Variants in PTK2 observed in about 807,000 individuals in gnomAD.
PTK2 encodes the protein focal adhesion kinase 1.
Under a neutral mutation model 150.1 loss-of-function variants are expected in PTK2, and 45 were observed. That is an observed-to-expected ratio of 0.30 (90% CI 0.24 to 0.38). The LOEUF (loss-of-function observed/expected upper bound fraction) is 0.38. PTK2 is among the 10% of genes least tolerant of loss of function. The pLI is 1.00. For missense variants in PTK2, 919 were observed against 1,307.3 expected, an observed-to-expected ratio of 0.70 and a Z score of 4.58; for synonymous variants, 432 against 449.2, an observed-to-expected ratio of 0.96 and a Z score of 0.48.
At chr8:140,879,577 G>A (rs1179929431) in exon 4 of PTK2, 6 of 1,585,842 alleles carry the variant, frequency 3.8e-6, no homozygotes, top group Non-Finnish European at 5.1e-6. Context: ...TGACTGAGGC[G>A]GAATCCATAG....
chr8:140,791,785 T>C (rs148793913), intron 13 of PTK2, among the ~76,000 whole-genome samples: 1 of 152,102 alleles, frequency 6.6e-6, no homozygotes, highest in African/African-American at 2.4e-5. Flanking sequence ...AGACAGAATA[T>C]TGGCAAAGGC....
chr8:140,988,600 G>A (rs981587389), intron 1 of PTK2, among the ~76,000 whole-genome samples: 14 of 151,922 alleles, frequency 9.2e-5, no homozygotes, highest in Admixed American at 9.2e-4. Flanking sequence ...ATGGTGGTGG[G>A]CGCCCGTAGC....
intron 1 of PTK2, among the ~76,000 whole-genome samples, chr8:140,989,222 A>T (rs1390597364): frequency 6.7e-6 from 1 of 149,642 alleles, no homozygotes. Flanking sequence ...TAAAAAAAAA[A>T]AAAAAAAAAA....
intron 27 of PTK2, among the ~76,000 whole-genome samples, chr8:140,679,001 ATGTTTTTTTTTTTTT>A (rs2100015503): frequency 1.3e-5 from 1 of 79,132 alleles, no homozygotes; most frequent in Non-Finnish European, 2.4e-5. Flanking sequence ...AGTGCTCCCC[ATGTTTTTTTTTTTTT>A]TTTTTTTTTT....
At chr8:140,695,229 T>C (rs1310378959) in intron 26 of PTK2, among the ~76,000 whole-genome samples, 2 of 152,190 alleles carry the variant, frequency 1.3e-5, no homozygotes, top group Non-Finnish European at 2.9e-5. Flanking sequence ...CTTGACCTCC[T>C]ATACCAATTC....
At position 140,834,451 on chromosome 8, in the gene PTK2, G is replaced by A. The variant is rs182897113; in HGVS notation, c.594-3925C>T. Among the ~76,000 whole-genome samples, 5 of 152,204 alleles carry A rather than the reference G, an allele frequency of 3.3e-5. No homozygotes were observed. In the East Asian group the frequency reaches 9.6e-4, roughly 29 times the overall value. ...GACTGCTTGTATATACATAGCAGAGGGCTTCTAAGTATTACCTTTCCTACT... is the reference window on the plus strand; with the variant it reads ...GACTGCTTGTATATACATAGCAGAGAGCTTCTAAGTATTACCTTTCCTACT... On this transcript the variant is annotated intron_variant, in intron 7 of 31. Transcript: ENST00000522684.
chr8:140,881,482 TGGTAAACCACA>T (rs1309078268), intron 3 of PTK2, among the ~76,000 whole-genome samples: 2 of 152,174 alleles, frequency 1.3e-5, no homozygotes, highest in Non-Finnish European at 2.9e-5. Flanking sequence ...CAGTTATCCT[TGGTAAACCACA>T]GGTCAGTAAG....
Position 140,905,872 on chromosome 8 carries a change from T to A in PTK2, c.-32-15103A>T, listed in dbSNP as rs573847361. Among the ~76,000 whole-genome samples, 24 of 152,106 alleles carry A rather than the reference T, an allele frequency of 1.6e-4. No individual in the cohort carries two copies. The East Asian group carries it at 4.1e-3, about 26-fold the overall frequency. ...ACTCAGGATTAAGAAAACTCAAAAC[T>A]GCACAACTACATGGAAACTGAACAA... On this transcript the variant is annotated intron_variant, in intron 2 of 31. Coordinates refer to ENST00000522684, the Ensembl canonical transcript of PTK2.
chr8:140,850,291 T>C (rs574260513), intron 5 of PTK2, among the ~76,000 whole-genome samples: 3 of 151,624 alleles, frequency 2.0e-5, no homozygotes, highest in African/African-American at 7.3e-5. Flanking sequence ...CTGGGCATGG[T>C]GGCAGGCACC....
chr8:140,769,593 C>A lies in PTK2; in HGVS notation c.1178-5303G>T. On this transcript the variant is annotated intron_variant, in intron 14 of 31. Coordinates refer to ENST00000522684, the Ensembl canonical transcript of PTK2. ...ATATTACCGTCCCCACTAATTTCAT[C>A]TGCAGATCCGGGTGGCATGCAAAGA... The A allele has an allele frequency of 7.3e-7, 1 of 1,362,698 alleles. No homozygotes were observed. Among genetic ancestry groups the A allele is most frequent in the Non-Finnish European group, 9.7e-7 (1 of 1,026,854 alleles). 84.4% of individuals were successfully genotyped at this position (1,362,698 alleles called of 1,614,324 possible). A position where few individuals can be genotyped will look rare whatever the true frequency, so the allele number is the denominator to read the frequency against.
intron 18 of PTK2, 69 bp downstream of exon 21, chr8:140,746,691 T>C: frequency 8.5e-7 from 1 of 1,175,966 alleles, no homozygotes; most frequent in South Asian, 1.4e-5. Context: ...AAACTGTTTA[T>C]ATTTTCCTTT....
rs892773206 is a variant in PTK2 at position 140,956,318 on chromosome 8, G to A, written c.-121-30569C>T. On this transcript the variant is annotated intron_variant, in intron 1 of 31. Transcript: ENST00000522684. ...TAACACAAAAGACAGAGAACAACAC[G>A]GGAGGGTGGGGAAGCGGGGAAGGAA... 2.2e-4 allele frequency among the ~76,000 whole-genome samples: 34 copies of A among 152,294 alleles called. 1 individual carries two copies. The highest frequency in any genetic ancestry group is 1.6e-3 in the Admixed American group (25 of 15,300).
chr8:140,803,762 G>A, intron 10 of PTK2, 112 bp from the exon 11 acceptor site: 4 of 937,778 alleles, frequency 4.3e-6, no homozygotes, highest in Non-Finnish European at 6.5e-6. Flanking sequence ...CCCTAAGACT[G>A]GAGGTCTGGG....
rs761805596 is a variant in PTK2, at chr8:140,968,499, CAGATT to C, written c.-122+32621_-122+32625del. 2.6e-5 allele frequency among the ~76,000 whole-genome samples: 4 copies of C among 152,178 alleles called. No homozygotes were observed. In the South Asian group the frequency reaches 8.3e-4, roughly 32 times the overall value. ...TCTCTACTAAACAGAAGAGAAAAAA[CAGATT>C]AGAGAGTTTAAGGAGCTTGGTCAAC... On this transcript the variant is annotated intron_variant, in intron 1 of 31. Transcript: ENST00000522684.
intron 5 of PTK2, among the ~76,000 whole-genome samples, chr8:140,853,015 T>C (rs1285173265): frequency 6.6e-6 from 1 of 152,200 alleles, no homozygotes; most frequent in Non-Finnish European, 1.5e-5. Context: ...AGATAATTTA[T>C]GCACACACTG....
intron 28 of PTK2, 122 bp from the exon 32 acceptor site, chr8:140,674,526 G>C: frequency 1.2e-6 from 1 of 810,012 alleles, no homozygotes; most frequent in East Asian, 2.8e-5. Context: ...GATCACCTGA[G>C]GTCAGGAATT....
chr8:140,999,510 T>C (rs1011037225), intron 1 of PTK2, among the ~76,000 whole-genome samples: 2 of 152,262 alleles, frequency 1.3e-5, no homozygotes, highest in African/African-American at 4.8e-5. Flanking sequence ...CAAACATCCT[T>C]AAAATGTTCC....
In PTK2 at chr8:140,671,616, T is replaced by C. The variant is rs138900541; in HGVS notation, c.2709+2682A>G. On this transcript the variant is annotated intron_variant, in intron 29 of 31. Coordinates refer to ENST00000522684, the Ensembl canonical transcript of PTK2. ...AAACAGAGGTGTATATTTCATGTTA[T>C]TTAAAAATCTACTTAGGTCGGGTGC... 2.0e-3 allele frequency among the ~76,000 whole-genome samples: 307 copies of C among 152,146 alleles called. 1 individual carries two copies. Among genetic ancestry groups the C allele is most frequent in the African/African-American group, 6.9e-3 (286 of 41,508 alleles).
intron 2 of PTK2, among the ~76,000 whole-genome samples, chr8:140,924,065 C>T (rs1222071209): frequency 6.6e-6 from 1 of 152,134 alleles, no homozygotes; most frequent in Non-Finnish European, 1.5e-5. Context: ...GTCTGTAAGG[C>T]CGTGCGTGAT....
Sources: allele counts gnomAD v4.1 joint callset (sites outside exome capture counted in the v4.1 genomes callset), GRCh38; gene constraint gnomAD v4.1.1; transcripts MANE v1.5; gene names NCBI Gene and HGNC (gene_info 2026-07-23, HGNC 2026-07-21).